Variants in VAV3 observed in about 807,000 individuals in gnomAD.
VAV3 encodes guanine nucleotide exchange factor VAV3.
In VAV3, 94 loss-of-function variants were observed where a neutral mutation model predicts 131.2. That is an observed-to-expected ratio of 0.72 (90% confidence interval 0.61 to 0.85). The LOEUF is 0.85. Ranked by LOEUF, VAV3 falls within the 40% of genes least tolerant of loss-of-function variation. VAV3 has a pLI of 0.00. For synonymous variants in VAV3, 349 were observed against 342.0 expected, an observed-to-expected ratio of 1.02 and a Z score of -0.22; for missense variants, 939 against 1,002.7, an observed-to-expected ratio of 0.94 and a Z score of 0.86.
At chr1:107,709,791 G>T (rs548323770) in intron 15 of VAV3, among the ~76,000 whole-genome samples, 1 of 152,132 alleles carries the variant, frequency 6.6e-6, no homozygotes, top group Admixed American at 6.6e-5. Flanking sequence ...GAGAAAGGAC[G>T]TGTTTGTCTC....
intron 1 of VAV3, among the ~76,000 whole-genome samples, chr1:107,909,744 C>A (rs1429127647): frequency 6.6e-6 from 1 of 151,540 alleles, no homozygotes; most frequent in African/African-American, 2.4e-5. Flanking sequence ...CTTTAAATAT[C>A]ATAATGTAAT....
chr1:107,843,782 T>C (rs1380445), intron 2 of VAV3, among the ~76,000 whole-genome samples: 1 of 151,636 alleles, frequency 6.6e-6, no homozygotes, highest in Non-Finnish European at 1.5e-5. Flanking sequence ...GGGGAGTCTT[T>C]TGCCTGTTCA....
At position 107,749,008 on chromosome 1, in the gene VAV3, C is replaced by A; in HGVS notation, c.1462G>T (p.Asp488Tyr). The A allele has an allele frequency of 1.9e-6, 3 of 1,612,138 alleles. No individual in the cohort carries two copies. The highest frequency in any genetic ancestry group is 1.7e-6 in the Non-Finnish European group (2 of 1,179,130). Residue 488 changes from aspartate (D) to tyrosine (Y), a missense_variant, in exon 15 of 27, where the codon GAT becomes TAT. Asp to Tyr is a radical substitution (Grantham distance 160, BLOSUM62 -3). Coordinates refer to ENST00000370056, the MANE Select transcript of VAV3 (RefSeq NM_006113.5). ...TGTTCTAGCCATTTCTTCTTTAAAT[C>A]TTTTGTTTTGCAATAAAATTCTAAC... ...NGLEFYCKTK[D>Y]LKKKWLEQFE...
chr1:107,873,862 G>T (rs1056139610), intron 2 of VAV3, among the ~76,000 whole-genome samples: 1 of 152,128 alleles, frequency 6.6e-6, no homozygotes, highest in Non-Finnish European at 1.5e-5. Flanking sequence ...GAGAACCAGG[G>T]CCTTCCCCCA....
chr1:107,579,122 C>T (rs954541579), intron 25 of VAV3, among the ~76,000 whole-genome samples: 4 of 152,212 alleles, frequency 2.6e-5, no homozygotes, highest in Non-Finnish European at 4.4e-5. Flanking sequence ...TCATCATTCG[C>T]ATTCCTATCA....
rs777377166 is a variant in VAV3, at chr1:107,596,263, T to C, written c.2299A>G (p.Lys767Glu). Residue 767 changes from lysine to glutamate, a missense_variant, in exon 25 of 27, where the codon AAG (lysine) becomes GAG (glutamate). Transcript: ENST00000370056. Reference sequence around the variant, plus strand: ...TGTCCAGCTGAATGTTCTGGCTCCTTGTATGGAAACTGCAGAGTTGTATCT... The same window carrying C: ...TGTCCAGCTGAATGTTCTGGCTCCTCGTATGGAAACTGCAGAGTTGTATCT... ...TLDTTLQFPY[K>E]EPEHSAGQRG... 6.8e-6 allele frequency: 11 copies of C among 1,613,684 alleles called. No individual in the cohort carries two copies. Among genetic ancestry groups the C allele is most frequent in the Non-Finnish European group, 9.3e-6 (11 of 1,179,650 alleles).
At chr1:107,892,303 C>T (rs1671346507) in intron 1 of VAV3, among the ~76,000 whole-genome samples, 1 of 152,162 alleles carries the variant, frequency 6.6e-6, no homozygotes. Context: ...TGATTTCATT[C>T]ATTAAGCACT....
At chr1:107,933,859 G>T (rs915694005) in intron 1 of VAV3, among the ~76,000 whole-genome samples, 2 of 150,570 alleles carry the variant, frequency 1.3e-5, no homozygotes, top group Admixed American at 6.6e-5. Flanking sequence ...TGAAAATTGC[G>T]ATTTTAAAAA....
intron 1 of VAV3, chr1:107,964,402 A>C (rs769924518): frequency 2.2e-5 from 9 of 401,476 alleles, no homozygotes; most frequent in East Asian, 8.8e-5. Context: ...AAGACAACTT[A>C]TTTCTTTCCC....
At chr1:107,624,437 A>G (rs1479826529) in intron 20 of VAV3, among the ~76,000 whole-genome samples, 5 of 132,980 alleles carry the variant, frequency 3.8e-5, no homozygotes, top group Non-Finnish European at 6.7e-5. Flanking sequence ...GAATACCTTT[A>G]ATGATAGAAA....
At chr1:107,596,934 T>C (rs1161779765) in intron 24 of VAV3, among the ~76,000 whole-genome samples, 1 of 152,214 alleles carries the variant, frequency 6.6e-6, no homozygotes, top group Non-Finnish European at 1.5e-5. Context: ...TTTTCTCTTA[T>C]AAATAATTTG....
chr1:107,644,913 T>C (rs1655618582), intron 19 of VAV3, among the ~76,000 whole-genome samples: 1 of 149,246 alleles, frequency 6.7e-6, no homozygotes, highest in African/African-American at 2.4e-5. Context: ...CATACTAGTG[T>C]ATACACTAGT....
chr1:107,638,392 A>G (rs974187129), intron 20 of VAV3, among the ~76,000 whole-genome samples: 3 of 152,224 alleles, frequency 2.0e-5, no homozygotes, highest in Non-Finnish European at 4.4e-5. Flanking sequence ...TATATCTCAC[A>G]ATGAACAACA....
chr1:107,584,913 A>C (rs1176131038), intron 25 of VAV3, among the ~76,000 whole-genome samples: 1 of 152,238 alleles, frequency 6.6e-6, no homozygotes, highest in East Asian at 1.9e-4. Flanking sequence ...AATATTTGGC[A>C]GACATGTATT....
At chr1:107,816,445 T>C (rs1667565142) in intron 2 of VAV3, among the ~76,000 whole-genome samples, 1 of 152,194 alleles carries the variant, frequency 6.6e-6, no homozygotes, top group Admixed American at 6.5e-5. Flanking sequence ...TCTTAATTGA[T>C]TAATACTGGC....
chr1:107,952,487 C>T (rs74109687), intron 1 of VAV3, among the ~76,000 whole-genome samples: 119,299 of 132,886 alleles, frequency 0.9, 54,283 homozygotes, highest in Middle Eastern at 0.98. Flanking sequence ...TATATATATA[C>T]ACACATAAAT....
chr1:107,862,504 A>C (rs1194079613), intron 2 of VAV3, among the ~76,000 whole-genome samples: 1 of 151,630 alleles, frequency 6.6e-6, no homozygotes, highest in Non-Finnish European at 1.5e-5. Context: ...ACAACAGTCA[A>C]AGGCCAAGAG....
chr1:107,819,233 C>G lies in VAV3; in HGVS notation c.322-39741G>C, dbSNP rs544353798. ...CTTAGAAACAGAAATTCTTTCTTCCCTTGCTATCATGCAGATTAAATACAT... is the reference window on the plus strand; with the variant it reads ...CTTAGAAACAGAAATTCTTTCTTCCGTTGCTATCATGCAGATTAAATACAT... On this transcript the variant is annotated intron_variant, in intron 2 of 26. Coordinates refer to ENST00000370056, the MANE Select transcript of VAV3 (RefSeq NM_006113.5). Among the ~76,000 whole-genome samples the G allele has an allele frequency of 7.2e-4, 110 of 152,222 alleles. 1 individual carries two copies. The highest frequency in any genetic ancestry group is 8.4e-4 in the Non-Finnish European group (57 of 68,002).
intron 1 of VAV3, among the ~76,000 whole-genome samples, chr1:107,954,648 G>T (rs1318436240): frequency 6.6e-6 from 1 of 150,496 alleles, no homozygotes; most frequent in Non-Finnish European, 1.5e-5. Flanking sequence ...CTATTCTCCT[G>T]TCCTGAGGCA....
Sources: allele counts gnomAD v4.1 joint callset (sites outside exome capture counted in the v4.1 genomes callset), GRCh38; gene constraint gnomAD v4.1.1; transcripts MANE v1.5; gene names NCBI Gene and HGNC (gene_info 2026-07-23, HGNC 2026-07-21).